The following SPAG16 variants were observed in gnomAD, a reference collection of about 807,000 sequenced individuals.
SPAG16 encodes the protein sperm associated antigen 16.
Under a neutral mutation model 80.4 loss-of-function variants are expected in SPAG16, and 86 were observed. That is an observed-to-expected ratio of 1.07 (90% CI 0.90 to 1.28). The LOEUF (loss-of-function observed/expected upper bound fraction) is 1.28, where lower values mean the gene tolerates loss of function less well. SPAG16 is among the 50% of genes most tolerant of loss of function. The pLI is 0.00. For synonymous variants in SPAG16, 294 were observed against 265.9 expected, an observed-to-expected ratio of 1.11 and a Z score of -1.03; for missense variants, 870 against 765.3, an observed-to-expected ratio of 1.14 and a Z score of -1.61.
chr2:214,123,265 C>T (rs2054307488), intron 14 of SPAG16, among the ~76,000 whole-genome samples: 1 of 148,678 alleles, frequency 6.7e-6, no homozygotes, highest in African/African-American at 2.5e-5. Flanking sequence ...TTGCACCACC[C>T]CCAAATTTTA....
chr2:214,003,183 A>T (rs1181138700), intron 12 of SPAG16, among the ~76,000 whole-genome samples: 1 of 152,210 alleles, frequency 6.6e-6, no homozygotes, highest in Non-Finnish European at 1.5e-5. Flanking sequence ...GTATTAGACC[A>T]GTTAATATAT....
At chr2:214,316,472 A>G (rs989074131) in intron 15 of SPAG16, among the ~76,000 whole-genome samples, 2 of 152,180 alleles carry the variant, frequency 1.3e-5, no homozygotes, top group Admixed American at 1.3e-4. Flanking sequence ...GTCAAAAATG[A>G]GCAGTTTTTA....
intron 12 of SPAG16, among the ~76,000 whole-genome samples, chr2:213,981,547 G>A (rs930432111): frequency 2.0e-5 from 3 of 151,942 alleles, no homozygotes; most frequent in South Asian, 2.1e-4. Context: ...GGTTCAAAAC[G>A]TTTTTAAAGG....
chr2:213,421,249 A>G (rs2069566874), intron 9 of SPAG16, among the ~76,000 whole-genome samples: 1 of 151,962 alleles, frequency 6.6e-6, no homozygotes, highest in Admixed American at 6.6e-5. Flanking sequence ...GGGGCAGAGC[A>G]AAGTTGTGGC....
chr2:213,720,741 C>T (rs967427268), intron 10 of SPAG16, among the ~76,000 whole-genome samples: 1 of 116,276 alleles, frequency 8.6e-6, no homozygotes, highest in Non-Finnish European at 1.7e-5. Flanking sequence ...CGAAGTAAGT[C>T]CTTTTTTTTT....
intron 14 of SPAG16, among the ~76,000 whole-genome samples, chr2:214,139,348 G>C (rs2055229414): frequency 6.6e-6 from 1 of 151,834 alleles, no homozygotes; most frequent in Admixed American, 6.6e-5. Context: ...GCTTAATTAT[G>C]ACTTTTTTCT....
intron 10 of SPAG16, among the ~76,000 whole-genome samples, chr2:213,690,933 G>C (rs1462794965): frequency 6.6e-6 from 1 of 151,970 alleles, no homozygotes; most frequent in African/African-American, 2.4e-5. Flanking sequence ...TCTTTCTCTA[G>C]CTTGCATATA....
chr2:213,780,119 G>A (rs1032169389), intron 10 of SPAG16, among the ~76,000 whole-genome samples: 1 of 152,142 alleles, frequency 6.6e-6, no homozygotes, highest in Non-Finnish European at 1.5e-5. Context: ...TCAAAGCAAT[G>A]TCTAGATCTG....
At chr2:214,120,226 T>C (rs1183875685) in intron 14 of SPAG16, among the ~76,000 whole-genome samples, 2 of 151,702 alleles carry the variant, frequency 1.3e-5, no homozygotes, top group Non-Finnish European at 1.5e-5. Context: ...TTTACTACTT[T>C]GTGTGGCATC....
chr2:214,133,760 C>T (rs925908937), intron 14 of SPAG16, among the ~76,000 whole-genome samples: 2 of 152,090 alleles, frequency 1.3e-5, no homozygotes, highest in African/African-American at 2.4e-5. Context: ...TGATGACAGG[C>T]TAAAATAAGG....
intron 9 of SPAG16, among the ~76,000 whole-genome samples, chr2:213,423,709 A>G (rs540581601): frequency 6.6e-6 from 1 of 152,294 alleles, no homozygotes; most frequent in Admixed American, 6.5e-5. Context: ...CAATGCTGAA[A>G]TAAGATATGT....
intron 12 of SPAG16, among the ~76,000 whole-genome samples, chr2:213,980,155 G>A (rs532130277): frequency 2.0e-5 from 3 of 149,206 alleles, no homozygotes; most frequent in Non-Finnish European, 4.4e-5. Context: ...ATTGAGTCTG[G>A]CCAACATGGT....
intron 10 of SPAG16, among the ~76,000 whole-genome samples, chr2:213,501,391 G>A (rs2074736839): frequency 1.3e-5 from 2 of 152,084 alleles, no homozygotes; most frequent in Admixed American, 1.3e-4. Context: ...GAATTTACCT[G>A]CATTTGTTTT....
At chr2:214,359,675 G>A (rs574377760) in intron 15 of SPAG16, among the ~76,000 whole-genome samples, 3 of 151,860 alleles carry the variant, frequency 2.0e-5, no homozygotes, top group African/African-American at 7.2e-5. Context: ...TTAAATCTAA[G>A]AGGATTTTCA....
At chr2:213,551,990 C>T (rs2076793426) in intron 10 of SPAG16, among the ~76,000 whole-genome samples, 1 of 152,086 alleles carries the variant, frequency 6.6e-6, no homozygotes, top group Non-Finnish European at 1.5e-5. Context: ...AAATCTGCCT[C>T]CATTCATGCT....
intron 9 of SPAG16, among the ~76,000 whole-genome samples, chr2:213,404,287 A>G (rs1020935066): frequency 1.1e-4 from 17 of 152,182 alleles, no homozygotes; most frequent in Non-Finnish European, 1.9e-4. Flanking sequence ...TGGAGGCATC[A>G]CTCTACCTGA....
intron 9 of SPAG16, among the ~76,000 whole-genome samples, chr2:213,441,568 A>T (rs966728727): frequency 2.6e-5 from 4 of 152,178 alleles, no homozygotes; most frequent in African/African-American, 7.2e-5. Context: ...AATTAAACAG[A>T]TGTATTTATT....
chr2:213,593,076 T>C (rs2060762211), intron 10 of SPAG16, among the ~76,000 whole-genome samples: 1 of 152,126 alleles, frequency 6.6e-6, no homozygotes, highest in Non-Finnish European at 1.5e-5. Flanking sequence ...TATGTATATA[T>C]ATATTTTTAC....
chr2:214,273,518 A>G (rs1024180610), intron 15 of SPAG16, among the ~76,000 whole-genome samples: 1 of 152,158 alleles, frequency 6.6e-6, no homozygotes, highest in Non-Finnish European at 1.5e-5. Flanking sequence ...ATGACTAGCC[A>G]GTTTTCCCAA....
Sources: gnomAD v4.1 joint callset for allele counts (sites outside exome capture counted in the v4.1 genomes callset) on GRCh38, gnomAD v4.1.1 for gene constraint, MANE v1.5 for transcripts, NCBI Gene and HGNC (gene_info 2026-07-23, HGNC 2026-07-21) for gene names.